WNT11: variants seen among roughly 807,000 people sequenced by gnomAD.
The protein encoded by WNT11 is protein Wnt-11.
WNT11 carries 20 observed loss-of-function variants against 35.6 expected under a neutral mutation model. That is an observed-to-expected ratio of 0.56 (90% CI 0.40 to 0.82). WNT11 has a LOEUF of 0.82. Among genes scored for constraint, WNT11 ranks in the 40% least tolerant of loss-of-function variants. WNT11 has a pLI of 0.00. For synonymous variants in WNT11, 200 were observed against 211.9 expected (o/e 0.94, Z 0.49); for missense variants, 459 against 504.4 (o/e 0.91, Z 0.86).
chr11:76,191,514 T>C, intron 4 of WNT11, 50 bp downstream of exon 4: 2 of 1,574,292 alleles, frequency 1.3e-6, no homozygotes, highest in Non-Finnish European at 1.7e-6. Flanking sequence ...TGGGGAACAG[T>C]ATGTGCAACA....
Position 76,194,791 on chromosome 11 carries a change from C to T in WNT11, c.373G>A (p.Ala125Thr), listed in dbSNP as rs201061165. 3.8e-4 allele frequency: 590 copies of T among 1,552,610 alleles called. 4 individuals are homozygous for T. The East Asian group carries it at 0.012, about 32-fold the overall frequency. ...CCGGAGGTGCAGGCCCGGGCGATGGCGTGGCTGATGGCGGCGGCCGACAGC... is the reference window on the plus strand; with the variant it reads ...CCGGAGGTGCAGGCCCGGGCGATGGTGTGGCTGATGGCGGCGGCCGACAGC... The part of the protein sequence containing the change: ...YALSAAAISH[A>T]IARACTSGDL... Residue 125 changes from alanine to threonine, a missense_variant, in exon 3 of 5, where the codon GCC becomes ACC. Coordinates refer to ENST00000322563, the MANE Select transcript of WNT11 (RefSeq NM_004626.3). The surrounding 1 kb of genome is among the most constrained non-coding windows in gnomAD (Gnocchi z 5.4).
At position 76,186,910 on chromosome 11, in the gene WNT11, G is replaced by A. The variant is rs1800392698; in HGVS notation, c.*155C>T. On this transcript the variant is annotated 3_prime_UTR_variant, in exon 5 of 5. Coordinates refer to ENST00000322563, the MANE Select transcript of WNT11 (RefSeq NM_004626.3). ...GGTGGCCAGACCTTCTGTTCCTGGT[G>A]GCTTCCAAGTGAAGGCAAAGCACAA... is the stretch of plus-strand genomic sequence containing the variant. 8.7e-7 allele frequency: 1 copy of A among 1,143,116 alleles called. No individual in the cohort carries two copies. Among genetic ancestry groups the A allele is most frequent in the Non-Finnish European group, 1.3e-6 (1 of 788,948 alleles). The allele number at this position is 1,143,116 out of a possible 1,614,324, so 70.8% of individuals were successfully genotyped here. A position where few individuals can be genotyped will look rare whatever the true frequency, so the allele number is the denominator to read the frequency against.
In WNT11 at chr11:76,199,608, T is replaced by C. The variant is rs567354065; in HGVS notation, c.84-2890A>G. 1.2e-4 allele frequency among the ~76,000 whole-genome samples: 18 copies of C among 152,052 alleles called. 1 individual carries two copies. In the South Asian group the frequency reaches 3.5e-3, roughly 30 times the overall value. On this transcript the variant is annotated intron_variant, in intron 1 of 4. Transcript: ENST00000322563. ...TCATGAGGTCAGAAGATCAAGACCATTCTGGCCAATATGGTGAAACCCCGT... is the reference window on the plus strand; with the variant it reads ...TCATGAGGTCAGAAGATCAAGACCACTCTGGCCAATATGGTGAAACCCCGT...
chr11:76,196,676 C>T lies in WNT11; in HGVS notation c.126G>A (p.Thr42=), dbSNP rs537911843. The change falls in exon 2 of 5, where the codon ACG becomes ACA. Residue 42 remains threonine, a synonymous_variant. Transcript: ENST00000322563. ...GACCCTCCAGCTGCTTGCAGTGTTG[C>T]GTCTGGTTCAGTGCCAGGGCCGATG... is the stretch of plus-strand genomic sequence containing the variant. ...KTPSALALNQ[T]QHCKQLEGLV... 1.7e-5 allele frequency: 27 copies of T among 1,613,160 alleles called. No homozygotes were observed. In the Admixed American group the frequency reaches 2.0e-4, roughly 12 times the overall value.
chr11:76,193,753 G>A (rs1354687339), intron 3 of WNT11, among the ~76,000 whole-genome samples: 1 of 152,230 alleles, frequency 6.6e-6, no homozygotes, highest in Non-Finnish European at 1.5e-5. Flanking sequence ...TAGTGCCTCT[G>A]TAAAATGGGG....
At chr11:76,206,131 CT>C (rs112594021) in intron 1 of WNT11, among the ~76,000 whole-genome samples, 193 bp downstream of exon 1, 13,489 of 152,290 alleles carry the variant, frequency 0.089, 823 homozygotes, top group East Asian at 0.32. Context: ...GTCTCACTCC[CT>C]TTTCGCAAGC....
chr11:76,207,548 GCC>G (rs1953493083), upstream of WNT11, among the ~76,000 whole-genome samples: 1 of 152,094 alleles, frequency 6.6e-6, no homozygotes. Context: ...CTTGCTCGGG[GCC>G]CTGCTTTCTC....
intron 3 of WNT11, among the ~76,000 whole-genome samples, chr11:76,193,769 G>A (rs1180587580): frequency 6.6e-6 from 1 of 152,222 alleles, no homozygotes; most frequent in African/African-American, 2.4e-5. Flanking sequence ...TGGGGCTAAA[G>A]GGTGCAGGGA....
upstream of WNT11, among the ~76,000 whole-genome samples, chr11:76,207,766 C>T (rs1243104341): frequency 6.6e-6 from 1 of 152,138 alleles, no homozygotes. Flanking sequence ...GCGGCGCCCT[C>T]GGGCCGCGGA....
intron 1 of WNT11, among the ~76,000 whole-genome samples, chr11:76,200,547 C>G (rs1182034819): frequency 6.6e-6 from 1 of 152,252 alleles, no homozygotes; most frequent in African/African-American, 2.4e-5. Context: ...GAGCCTCCCA[C>G]TTCACACCTC....
intron 4 of WNT11, among the ~76,000 whole-genome samples, chr11:76,189,256 G>A (rs994309167): frequency 1.3e-5 from 2 of 152,340 alleles, no homozygotes; most frequent in East Asian, 3.9e-4. Flanking sequence ...TAAATTTCTG[G>A]ATCCCTGACA....
chr11:76,198,194 C>G (rs1953318076), intron 1 of WNT11, among the ~76,000 whole-genome samples: 1 of 152,208 alleles, frequency 6.6e-6, no homozygotes, highest in Admixed American at 6.5e-5. Flanking sequence ...TTGAGCAAGT[C>G]ACTTAACCTC....
chr11:76,206,304 G>A, intron 1 of WNT11, 21 bp downstream of exon 1: 1 of 1,519,086 alleles, frequency 6.6e-7, no homozygotes, highest in Admixed American at 2.1e-5. Context: ...CTGTGCGCGT[G>A]GACGCGGGGT....
chr11:76,207,811 G>A (rs1953497011), upstream of WNT11, among the ~76,000 whole-genome samples: 1 of 152,184 alleles, frequency 6.6e-6, no homozygotes, highest in African/African-American at 2.4e-5. Flanking sequence ...AGCCCGCGGA[G>A]CAGCTATCTC....
chr11:76,197,092 A>G (rs927892487), intron 1 of WNT11, among the ~76,000 whole-genome samples: 1 of 152,258 alleles, frequency 6.6e-6, no homozygotes, highest in African/African-American at 2.4e-5. Context: ...TCTTTATTCA[A>G]CATTCATTCA....
Position 76,194,954 on chromosome 11 carries a change from G to A in WNT11, c.320-110C>T. The A allele has an allele frequency of 7.6e-7, 1 of 1,321,454 alleles. No individual in the cohort carries two copies. Among genetic ancestry groups the A allele is most frequent in the African/African-American group, 1.5e-5 (1 of 67,310 alleles). 81.9% of individuals were successfully genotyped at this position (1,321,454 alleles called of 1,614,324 possible). ...CCCTGCTGTAACCAAGGTGACGCCAGCAGGGGTCGGCACTAGGGCCATTGA... is the reference window on the plus strand; with the variant it reads ...CCCTGCTGTAACCAAGGTGACGCCAACAGGGGTCGGCACTAGGGCCATTGA... On this transcript the variant is annotated intron_variant, in intron 2 of 4. Transcript: ENST00000322563. The surrounding 1 kb of genome is among the most constrained non-coding windows in gnomAD (Gnocchi z 5.4).
chr11:76,207,176 A>G (rs1049064863), upstream of WNT11, among the ~76,000 whole-genome samples: 1 of 152,130 alleles, frequency 6.6e-6, no homozygotes, highest in Admixed American at 6.5e-5. Flanking sequence ...AGCCTGCCCA[A>G]CATGGCAAAA....
rs771371866 is a variant in WNT11, at chr11:76,187,202, C to G, written c.928G>C (p.Asp310His). ...NKTSNGSDSC[D>H]LMCCGRGYNP... ...TAGCCACGCCCGCAGCACATAAGGT[C>G]GCAGCTGTCGCTTCCGTTGGATGTC... The change falls in exon 5 of 5, where the codon GAC becomes CAC. Residue 310 changes from aspartate (D) to histidine (H), a missense_variant. Asp to His is a moderately conservative substitution (Grantham distance 81). Transcript: ENST00000322563. The G allele has an allele frequency of 3.1e-6, 5 of 1,607,404 alleles. No individual in the cohort carries two copies. Among genetic ancestry groups the G allele is most frequent in the Non-Finnish European group, 3.4e-6 (4 of 1,179,966 alleles).
chr11:76,209,782 A>C (rs1336636223), upstream of WNT11, among the ~76,000 whole-genome samples: 1 of 151,992 alleles, frequency 6.6e-6, no homozygotes, highest in African/African-American at 2.4e-5. Flanking sequence ...CTTGAGGGAC[A>C]CCGAGGCACT....
Sources: allele counts gnomAD v4.1 joint callset (sites outside exome capture counted in the v4.1 genomes callset), GRCh38; gene constraint gnomAD v4.1.1; non-coding constraint Gnocchi (gnomAD v3.1); transcripts MANE v1.5; gene names NCBI Gene and HGNC (gene_info 2026-07-23, HGNC 2026-07-21).